The following SRCIN1 variants were observed in gnomAD, a reference collection of about 807,000 sequenced individuals.
The protein encoded by SRCIN1 is SRC kinase signaling inhibitor 1, also known as P130Cas-associated protein.
Under a neutral mutation model 116.2 loss-of-function variants are expected in SRCIN1, and 50 were observed. That is an observed-to-expected ratio of 0.43 (90% CI 0.34 to 0.54). SRCIN1 has a LOEUF of 0.54. SRCIN1 is among the 20% of genes least tolerant of loss of function. The pLI, the probability that SRCIN1 is intolerant of heterozygous loss-of-function variation, is 0.02. For missense variants in SRCIN1, 1,446 were observed against 1,672.0 expected (o/e 0.86, Z 2.36); for synonymous variants, 736 against 750.0 (o/e 0.98, Z 0.30).
intron 1 of SRCIN1, among the ~76,000 whole-genome samples, chr17:38,605,076 G>T (rs557726584): frequency 6.6e-6 from 1 of 152,018 alleles, no homozygotes; most frequent in Non-Finnish European, 1.5e-5. Flanking sequence ...GGGGAGGGGG[G>T]GTGTGTGGAA....
At chr17:38,605,277 C>A (rs1597946521) in intron 1 of SRCIN1, among the ~76,000 whole-genome samples, 1 of 143,190 alleles carries the variant, frequency 7.0e-6, no homozygotes, top group East Asian at 2.2e-4. Context: ...TCCTCCACTT[C>A]CCCCACCTCG....
intron 1 of SRCIN1, among the ~76,000 whole-genome samples, chr17:38,582,452 A>T (rs1907877451): frequency 6.6e-6 from 1 of 152,220 alleles, no homozygotes; most frequent in South Asian, 2.1e-4. Context: ...CTGCAGTCCC[A>T]CAAATCTCAC....
At chr17:38,569,597 C>T (rs1258694283) in intron 2 of SRCIN1, among the ~76,000 whole-genome samples, 1 of 152,102 alleles carries the variant, frequency 6.6e-6, no homozygotes, top group Admixed American at 6.5e-5. Flanking sequence ...CCAAGAGGGT[C>T]ATTTGCCAAG....
At chr17:38,570,291 C>T (rs1007144783) in intron 2 of SRCIN1, among the ~76,000 whole-genome samples, 3 of 152,346 alleles carry the variant, frequency 2.0e-5, no homozygotes, top group South Asian at 4.1e-4. Flanking sequence ...ACCCCTGCCT[C>T]GCTTACACAC....
At chr17:38,548,858 G>A in intron 16 of SRCIN1, 149 bp from the exon 17 acceptor site, 4 of 1,305,324 alleles carry the variant, frequency 3.1e-6, no homozygotes, top group Non-Finnish European at 4.1e-6. Flanking sequence ...ACAGACAGGG[G>A]CCTGGCATGG....
At chr17:38,554,615 T>C (rs1905668199) in intron 11 of SRCIN1, among the ~76,000 whole-genome samples, 1 of 152,148 alleles carries the variant, frequency 6.6e-6, no homozygotes, top group Admixed American at 6.5e-5. Flanking sequence ...CCTTCTGGAC[T>C]ACTAACCCCA....
intron 11 of SRCIN1, among the ~76,000 whole-genome samples, chr17:38,555,610 T>G (rs779358739): frequency 6.6e-6 from 1 of 152,240 alleles, no homozygotes; most frequent in Non-Finnish European, 1.5e-5. Context: ...TATTCAGATA[T>G]TCAAAGAGAT....
chr17:38,594,574 G>C (rs150785410), intron 1 of SRCIN1, among the ~76,000 whole-genome samples: 1 of 152,122 alleles, frequency 6.6e-6, no homozygotes, highest in African/African-American at 2.4e-5. Flanking sequence ...AGGTGGGGAC[G>C]CAAAGGGCAC....
intron 17 of SRCIN1, chr17:38,547,714 C>A: frequency 6.6e-6 from 2 of 301,078 alleles, no homozygotes; most frequent in Non-Finnish European, 1.3e-5. Context: ...GCTGTGGGGG[C>A]ACAGGCAGAG....
chr17:38,563,487 C>T lies in SRCIN1; in HGVS notation c.576G>A (p.Arg192=), dbSNP rs763794298. 1.9e-6 allele frequency: 3 copies of T among 1,553,684 alleles called. No individual in the cohort carries two copies. The Admixed American group carries it at 5.8e-5, about 30-fold the overall frequency. ...TGACCTCGTGCGTGATGTGCACGCG[C>T]CGAGTCTCCTCCCCGAACTGCAGGA... ...VLFLQFGEET[R]RVHITHEVSS... is the part of the protein sequence containing the mutation. Residue 192 remains arginine, a synonymous_variant, in exon 5 of 19, where the codon CGG becomes CGA. Coordinates refer to ENST00000617146, the MANE Select transcript of SRCIN1 (RefSeq NM_025248.3). This position sits in a 1 kb window ranked among gnomAD's most constrained non-coding sequence, Gnocchi z 5.8.
At chr17:38,583,645 C>G (rs540676205) in intron 1 of SRCIN1, among the ~76,000 whole-genome samples, 1 of 151,068 alleles carries the variant, frequency 6.6e-6, no homozygotes, top group African/African-American at 2.4e-5. Context: ...CTCTGCCACC[C>G]GGGCTCAAGC....
chr17:38,560,885 T>C (rs1212866138), intron 7 of SRCIN1, among the ~76,000 whole-genome samples: 2 of 151,202 alleles, frequency 1.3e-5, no homozygotes, highest in African/African-American at 4.8e-5. Flanking sequence ...GGCCAATGGC[T>C]TCTCTTCACT....
chr17:38,540,573 C>A (rs1332130092), intron 18 of SRCIN1, among the ~76,000 whole-genome samples: 1 of 152,192 alleles, frequency 6.6e-6, no homozygotes, highest in Admixed American at 6.5e-5. Flanking sequence ...ACAGGCTGAG[C>A]TAGTGTGGAT....
At position 38,563,188 on chromosome 17, in the gene SRCIN1, G is replaced by T; in HGVS notation, c.740+135C>A. 3.0e-6 allele frequency: 3 copies of T among 995,092 alleles called. No homozygotes were observed. The highest frequency in any genetic ancestry group is 1.5e-5 in the South Asian group (1 of 64,900). The allele number at this position is 995,092 out of a possible 1,614,324, so 61.6% of individuals were successfully genotyped here. A position where few individuals can be genotyped will look rare whatever the true frequency, so the allele number is the denominator to read the frequency against. ...AGATGGCCGAGGAAGGGGGCGGGGC[G>T]GTAGGGCTCTGGGAGGGGAGGGGAA... On this transcript the variant is annotated intron_variant, in intron 5 of 18. Transcript: ENST00000617146. This position sits in a 1 kb window ranked among gnomAD's most constrained non-coding sequence, Gnocchi z 5.8.
In SRCIN1 at chr17:38,562,251, T is replaced by C; in HGVS notation, c.912A>G (p.Ala304=). 1 of 1,465,926 alleles carries C rather than the reference T, an allele frequency of 6.8e-7. No individual in the cohort carries two copies. The highest frequency in any genetic ancestry group is 1.3e-5 in the South Asian group (1 of 76,204). The allele number at this position is 1,465,926 out of a possible 1,614,324, so 90.8% of individuals were successfully genotyped here. A position where few individuals can be genotyped will look rare whatever the true frequency, so the allele number is the denominator to read the frequency against. The part of the protein sequence containing the change: ...LNNLSPAPHL[A]SGSPPPGLPS... ...GCAGCCCGGGCGGCGGCGAGCCGGA[T>C]GCCAGGTGCGGCGCTGGTGACAGGT... Residue 304 remains alanine (A), a synonymous_variant, in exon 7 of 19, where the codon GCA becomes GCG. Coordinates refer to ENST00000617146, the MANE Select transcript of SRCIN1 (RefSeq NM_025248.3). The surrounding 1 kb of genome is among the most constrained non-coding windows in gnomAD (Gnocchi z 4.2).
At position 38,578,606 on chromosome 17, in the gene SRCIN1, C is replaced by T. The variant is rs1368385311; in HGVS notation, c.208G>A (p.Gly70Arg). The stretch of plus-strand genomic sequence containing the variant: ...CGGTCGGCGTCCGCCTTCTGGAGCC[C>T]GCTGAGCGCCTCCAGACTCTGGGCC... ...IAAQSLEALS[G>R]LQKADADRKR... Residue 70 changes from glycine to arginine, a missense_variant, in exon 2 of 19, where the codon GGG becomes AGG. Gly to Arg is a moderately radical substitution (Grantham distance 125). Coordinates refer to ENST00000617146, the MANE Select transcript of SRCIN1 (RefSeq NM_025248.3). 6.2e-7 allele frequency: 1 copy of T among 1,610,542 alleles called. No individual in the cohort carries two copies. The highest frequency in any genetic ancestry group is 8.5e-7 in the Non-Finnish European group (1 of 1,178,616).
intron 11 of SRCIN1, among the ~76,000 whole-genome samples, chr17:38,554,647 C>T (rs1905670172): frequency 6.6e-6 from 1 of 152,162 alleles, no homozygotes; most frequent in South Asian, 2.1e-4. Context: ...ACCATGTCTT[C>T]CAGATTCATC....
Position 38,604,899 on chromosome 17 carries a change from C to T in SRCIN1, c.22+785G>A, listed in dbSNP as rs974147619. On this transcript the variant is annotated intron_variant, in intron 1 of 18. Transcript: ENST00000617146. The surrounding 1 kb of genome is among the most constrained non-coding windows in gnomAD (Gnocchi z 4.3). Reference sequence around the variant, plus strand: ...CCCTCCCCAGCTGGGGGCGCCCTCCCCTGCCCCCTGGCCTCTGCAGGGGGA... The same window carrying T: ...CCCTCCCCAGCTGGGGGCGCCCTCCTCTGCCCCCTGGCCTCTGCAGGGGGA... 4.0e-5 allele frequency among the ~76,000 whole-genome samples: 6 copies of T among 151,898 alleles called. No individual in the cohort carries two copies. Among genetic ancestry groups the T allele is most frequent in the African/African-American group, 1.5e-4 (6 of 41,350 alleles).
chr17:38,559,940 GA>G, intron 9 of SRCIN1, 113 bp downstream of exon 9: 1 of 1,354,016 alleles, frequency 7.4e-7, no homozygotes, highest in Non-Finnish European at 1.0e-6. Context: ...AAAGTGCCAG[GA>G]AAAAGACCTC....
Sources: gnomAD v4.1 joint callset for allele counts (sites outside exome capture counted in the v4.1 genomes callset) on GRCh38, gnomAD v4.1.1 for gene constraint, Gnocchi (gnomAD v3.1) non-coding constraint, MANE v1.5 for transcripts, NCBI Gene and HGNC (gene_info 2026-07-23, HGNC 2026-07-21) for gene names.